ADGRF5: variants seen among roughly 807,000 people sequenced by gnomAD.
The protein encoded by ADGRF5 is G-protein coupled receptor 116.
In ADGRF5, 75 loss-of-function variants were observed where a neutral mutation model predicts 132.3. The ratio of observed to expected loss-of-function variants is 0.57; its 90% CI spans 0.47 to 0.69. The LOEUF is 0.69. Among genes scored for constraint, ADGRF5 ranks in the 30% least tolerant of loss-of-function variants. The pLI is 0.00. For synonymous variants in ADGRF5, 629 were observed against 597.6 expected (o/e 1.05, Z -0.77); for missense variants, 1,516 against 1,630.6 (o/e 0.93, Z 1.21).
intron 10 of ADGRF5, among the ~76,000 whole-genome samples, chr6:46,877,604 A>C (rs1042725348): frequency 3.9e-5 from 6 of 152,050 alleles, no homozygotes; most frequent in African/African-American, 1.4e-4. Context: ...CATCAATATA[A>C]ACTGGAGGGT....
chr6:46,855,334 C>A (rs1277171148), intron 20 of ADGRF5, among the ~76,000 whole-genome samples: 6 of 152,256 alleles, frequency 3.9e-5, no homozygotes, highest in African/African-American at 1.4e-4. Context: ...CCATACTAAG[C>A]ACTTTATGTA....
Position 46,953,439 on chromosome 6 carries a change from C to T in ADGRF5, c.-25+1295G>A, listed in dbSNP as rs539136624. Among the ~76,000 whole-genome samples the T allele has an allele frequency of 9.9e-5, 15 of 151,658 alleles. No individual in the cohort carries two copies. In the South Asian group the frequency reaches 1.0e-3, roughly 11 times the overall value. ...GAGTTCGAGACCAGCCTGGGCAACA[C>T]GGTGAAACCCCTTCTCTACTAAAAA... On this transcript the variant is annotated intron_variant, in intron 1 of 20. Coordinates refer to the ADGRF5 transcript ENST00000265417.
At chr6:46,939,308 G>A (rs1224901140) in intron 1 of ADGRF5, among the ~76,000 whole-genome samples, 6 of 152,184 alleles carry the variant, frequency 3.9e-5, no homozygotes, top group Non-Finnish European at 7.3e-5. Context: ...TCTGGATTGG[G>A]GACAGGCAGG....
intron 1 of ADGRF5, among the ~76,000 whole-genome samples, chr6:46,915,151 C>T (rs115811291): frequency 0.012 from 1,768 of 152,118 alleles, 36 homozygotes; most frequent in African/African-American, 0.04. Context: ...CCACTGCACC[C>T]GGCCCAGTTT....
At chr6:46,890,752 A>G (rs1393289990) in intron 3 of ADGRF5, among the ~76,000 whole-genome samples, 1 of 152,184 alleles carries the variant, frequency 6.6e-6, no homozygotes, top group Non-Finnish European at 1.5e-5. Context: ...ATTAGTGAAT[A>G]CTTATAAAAT....
rs1229024526 is a variant in ADGRF5 at position 46,853,914 on chromosome 6, C to T, written c.*78G>A. The T allele has an allele frequency of 3.1e-5, 30 of 974,430 alleles. No homozygotes were observed. Among genetic ancestry groups the T allele is most frequent in the Non-Finnish European group, 4.1e-5 (26 of 636,022 alleles). 60.4% of individuals were successfully genotyped at this position (974,430 alleles called of 1,614,324 possible). ...GAAACCTGCCCCGAGAACACGTTCC[C>T]CATTGCTTTGCAAGCATCTCTTTTT... is the stretch of plus-strand genomic sequence containing the variant. On this transcript the variant is annotated 3_prime_UTR_variant, in exon 21 of 21. Coordinates refer to ENST00000283296, the MANE Select transcript of ADGRF5 (RefSeq NM_001098518.2).
chr6:46,918,638 T>A (rs1776629432), intron 1 of ADGRF5, among the ~76,000 whole-genome samples: 1 of 152,210 alleles, frequency 6.6e-6, no homozygotes, highest in Admixed American at 6.5e-5. Context: ...AATCTGCAAG[T>A]CTTAGGGAGC....
intron 1 of ADGRF5, among the ~76,000 whole-genome samples, chr6:46,920,074 C>A (rs778232611): frequency 6.3e-4 from 96 of 152,184 alleles, no homozygotes; most frequent in Non-Finnish European, 3.8e-4. Context: ...TGTCTTCACT[C>A]TACGTTCTCT....
At chr6:46,883,236 A>G (rs532854318) in intron 6 of ADGRF5, among the ~76,000 whole-genome samples, 3 of 152,296 alleles carry the variant, frequency 2.0e-5, no homozygotes, top group Admixed American at 6.5e-5. Context: ...TGATATATGA[A>G]TAATAGAAAT....
chr6:46,885,511 G>A (rs112001703), intron 4 of ADGRF5, among the ~76,000 whole-genome samples: 2,967 of 152,268 alleles, frequency 0.019, 64 homozygotes, highest in African/African-American at 0.057. Context: ...AAAAACAAGA[G>A]GTCTTGTCTT....
intron 1 of ADGRF5, chr6:46,908,140 T>C (rs1251994301): frequency 6.6e-6 from 1 of 152,164 alleles, no homozygotes; most frequent in Admixed American, 6.5e-5. Flanking sequence ...GGAAAACTGA[T>C]CCAATTTGCA....
Position 46,853,324 on chromosome 6 carries a change from T to C in ADGRF5, c.*668A>G, listed in dbSNP as rs969842949. The C allele has an allele frequency of 2.0e-5, 3 of 152,120 alleles. No individual in the cohort carries two copies. The highest frequency in any genetic ancestry group is 2.9e-5 in the Non-Finnish European group (2 of 68,032). 9.4% of individuals were successfully genotyped at this position (152,120 alleles called of 1,614,324 possible). On this transcript the variant is annotated 3_prime_UTR_variant, in exon 21 of 21. Transcript: ENST00000283296. ...CCTCCCTATTTTTTCAGCCTTTTTT[T>C]CCTCCTCTTAGCTAAGAAGACATCA...
chr6:46,894,905 G>A (rs1181447839), intron 3 of ADGRF5, among the ~76,000 whole-genome samples: 1 of 152,230 alleles, frequency 6.6e-6, no homozygotes, highest in Non-Finnish European at 1.5e-5. Context: ...AGGGCCTGGT[G>A]TGGAGGCTTA....
At chr6:46,906,928 A>G (rs1775439272) in intron 1 of ADGRF5, 142 bp from the exon 2 acceptor site, 1 of 630,862 alleles carries the variant, frequency 1.6e-6, no homozygotes, top group African/African-American at 1.9e-5. Context: ...GCATGAAGGA[A>G]TCAACTTAGC....
intron 1 of ADGRF5, among the ~76,000 whole-genome samples, chr6:46,953,671 A>ATATGTG (rs1554131435): frequency 7.6e-6 from 1 of 132,264 alleles, no homozygotes; most frequent in Non-Finnish European, 1.6e-5. Context: ...ATATATATAT[A>ATATGTG]TATATATATA....
chr6:46,858,155 T>G lies in ADGRF5; in HGVS notation c.3748A>C (p.Ile1250Leu). 1 of 1,612,912 alleles carries G rather than the reference T, an allele frequency of 6.2e-7. No individual in the cohort carries two copies. Among genetic ancestry groups the G allele is most frequent in the African/African-American group, 1.3e-5 (1 of 75,018 alleles). ...FPGTNLVFHI[I>L]FAILNVFQGL... is the part of the protein sequence containing the mutation. The stretch of plus-strand genomic sequence containing the variant: ...TGGAAGACATTGAGGATGGCAAATA[T>G]GATATGGAACACAAGGTTGGTCCCT... The change falls in exon 17 of 21, where the codon ATA becomes CTA. Residue 1250 changes from isoleucine (I) to leucine (L), a missense_variant. Transcript: ENST00000283296.
At chr6:46,877,225 C>CTCCTT (rs1554200285) in intron 10 of ADGRF5, among the ~76,000 whole-genome samples, 2 of 131,770 alleles carry the variant, frequency 1.5e-5, no homozygotes, top group Admixed American at 1.6e-4. Flanking sequence ...TTTATTTCCT[C>CTCCTT]TCTTTCTTTC....
At chr6:46,927,062 A>T (rs1292112200) in intron 1 of ADGRF5, among the ~76,000 whole-genome samples, 1 of 152,112 alleles carries the variant, frequency 6.6e-6, no homozygotes, top group African/African-American at 2.4e-5. Context: ...TGTCCTCACA[A>T]TACCATCTCC....
At chr6:46,910,529 T>G (rs996586366) in intron 1 of ADGRF5, among the ~76,000 whole-genome samples, 11 of 152,098 alleles carry the variant, frequency 7.2e-5, no homozygotes, top group African/African-American at 2.7e-4. Flanking sequence ...CTGATACTAT[T>G]AAATTACCCC....
Sources: gnomAD v4.1 joint callset for allele counts (sites outside exome capture counted in the v4.1 genomes callset) on GRCh38, gnomAD v4.1.1 for gene constraint, MANE v1.5 for transcripts, NCBI Gene and HGNC (gene_info 2026-07-23, HGNC 2026-07-21) for gene names.